The following LRFN2 variants were observed in gnomAD, a reference collection of about 807,000 sequenced individuals.
LRFN2 encodes the protein leucine-rich repeat and fibronectin type-III domain-containing protein 2.
Under a neutral mutation model 37.3 loss-of-function variants are expected in LRFN2, and 18 were observed. The observed-to-expected ratio is 0.48, with a 90% CI of 0.33 to 0.72. The LOEUF (loss-of-function observed/expected upper bound fraction) is 0.72, where lower values mean the gene tolerates loss of function less well. Ranked by LOEUF, LRFN2 falls within the 30% of genes least tolerant of loss-of-function variation. The pLI is 0.02. For missense variants in LRFN2, 1,006 were observed against 1,060.7 expected (o/e 0.95, Z 0.72); for synonymous variants, 556 against 466.6 (o/e 1.19, Z -2.47).
chr6:40,398,125 C>T (rs541428945), intron 2 of LRFN2, among the ~76,000 whole-genome samples: 1 of 151,920 alleles, frequency 6.6e-6, no homozygotes, highest in Non-Finnish European at 1.5e-5. Context: ...ACTGTTGACA[C>T]TTTGGCTGAC....
intron 1 of LRFN2, among the ~76,000 whole-genome samples, chr6:40,458,846 A>G (rs1764286832): frequency 6.6e-6 from 1 of 152,166 alleles, no homozygotes. Context: ...TTTGAACCAT[A>G]AGATAGAAGA....
chr6:40,484,244 G>T (rs367950252), intron 1 of LRFN2, among the ~76,000 whole-genome samples: 15 of 152,212 alleles, frequency 9.9e-5, no homozygotes, highest in Non-Finnish European at 2.1e-4. Flanking sequence ...ATGGAGTGTG[G>T]TGCCGATCCA....
chr6:40,392,009 C>A lies in LRFN2; in HGVS notation c.2304G>T (p.Glu768Asp). The change falls in exon 3 of 3, where the codon GAG (glutamate) becomes GAT (aspartate). Residue 768 changes from glutamate to aspartate, a missense_variant. Transcript: ENST00000338305. This position sits in a 1 kb window ranked among gnomAD's most constrained non-coding sequence, Gnocchi z 4.7. ...TCCCCCGGGCCCCCACCAGGTCACT[C>A]TCCTCAAAGGGCAAGAGCATGCCGT... ...SVNGMLLPFE[E>D]SDLVGARGTF... is the part of the protein sequence containing the mutation. 1 of 1,610,860 alleles carries A rather than the reference C, an allele frequency of 6.2e-7. No homozygotes were observed. Among genetic ancestry groups the A allele is most frequent in the Non-Finnish European group, 8.5e-7 (1 of 1,178,476 alleles).
chr6:40,537,254 C>T (rs939187466), intron 1 of LRFN2, among the ~76,000 whole-genome samples: 3 of 152,236 alleles, frequency 2.0e-5, no homozygotes, highest in African/African-American at 4.8e-5. Flanking sequence ...GGGGCAGGAA[C>T]CCCAATACTG....
At chr6:40,413,969 A>AT (rs1428233352) in intron 2 of LRFN2, among the ~76,000 whole-genome samples, 1 of 152,142 alleles carries the variant, frequency 6.6e-6, no homozygotes, top group East Asian at 1.9e-4. Context: ...GTTGAAGGAA[A>AT]TGGGCTCACT....
chr6:40,541,194 C>T (rs966924675), intron 1 of LRFN2, among the ~76,000 whole-genome samples: 13 of 152,158 alleles, frequency 8.5e-5, no homozygotes, highest in African/African-American at 2.2e-4. Flanking sequence ...AGTGAGTGGT[C>T]GCTTCCAGCT....
intron 1 of LRFN2, among the ~76,000 whole-genome samples, chr6:40,551,945 T>G (rs1263049220): frequency 6.6e-6 from 1 of 152,086 alleles, no homozygotes; most frequent in Non-Finnish European, 1.5e-5. Flanking sequence ...TTGAGGAAAC[T>G]GAAGCCCAAA....
intron 1 of LRFN2, among the ~76,000 whole-genome samples, chr6:40,579,613 AACACACAC>A (rs34819147): frequency 6.9e-6 from 1 of 144,970 alleles, no homozygotes; most frequent in Non-Finnish European, 1.5e-5. Context: ...AACACACACA[AACACACAC>A]ACACACACAC....
intron 1 of LRFN2, among the ~76,000 whole-genome samples, chr6:40,568,995 C>A (rs1279859450): frequency 6.6e-6 from 1 of 152,198 alleles, no homozygotes; most frequent in Admixed American, 6.5e-5. Context: ...CGGGAGCACC[C>A]ACTTACACTG....
chr6:40,514,489 A>G (rs979398006), intron 1 of LRFN2, among the ~76,000 whole-genome samples: 4 of 151,914 alleles, frequency 2.6e-5, no homozygotes, highest in East Asian at 1.9e-4. Flanking sequence ...TAATTTTTGT[A>G]TTTTTAGTAG....
chr6:40,536,250 A>G (rs1433743), intron 1 of LRFN2, among the ~76,000 whole-genome samples: 73,511 of 151,526 alleles, frequency 0.49, 18,821 homozygotes, highest in African/African-American at 0.66. Flanking sequence ...GTCTGAGGGG[A>G]GACACAGCCC....
At chr6:40,497,189 G>A (rs777573208) in intron 1 of LRFN2, among the ~76,000 whole-genome samples, 3 of 152,090 alleles carry the variant, frequency 2.0e-5, no homozygotes, top group Non-Finnish European at 2.9e-5. Context: ...CTGCTTCCAC[G>A]TTTGCCTCTG....
intron 1 of LRFN2, among the ~76,000 whole-genome samples, chr6:40,494,692 C>G (rs1765181634): frequency 6.6e-6 from 1 of 152,132 alleles, no homozygotes; most frequent in Non-Finnish European, 1.5e-5. Context: ...AGGCCACAAT[C>G]TAGACCTCAT....
intron 1 of LRFN2, among the ~76,000 whole-genome samples, chr6:40,510,657 G>A (rs1765681000): frequency 6.6e-6 from 1 of 152,242 alleles, no homozygotes; most frequent in African/African-American, 2.4e-5. Context: ...CCAGTGATAA[G>A]CTGACAGGTC....
intron 1 of LRFN2, among the ~76,000 whole-genome samples, chr6:40,458,250 C>T (rs1394624247): frequency 6.6e-6 from 1 of 152,124 alleles, no homozygotes; most frequent in South Asian, 2.1e-4. Context: ...GTAGTAAACA[C>T]GAATGTATAA....
At chr6:40,549,647 G>T (rs1166668104) in intron 1 of LRFN2, among the ~76,000 whole-genome samples, 3 of 152,160 alleles carry the variant, frequency 2.0e-5, no homozygotes, top group African/African-American at 7.2e-5. Flanking sequence ...TGATGCTATT[G>T]TATGTGAGCA....
intron 2 of LRFN2, among the ~76,000 whole-genome samples, chr6:40,425,720 C>T (rs927120424): frequency 6.6e-6 from 1 of 152,222 alleles, no homozygotes; most frequent in African/African-American, 2.4e-5. Context: ...CTGTCTGTCT[C>T]CAGTGTGTCA....
intron 1 of LRFN2, among the ~76,000 whole-genome samples, chr6:40,581,864 A>G (rs746444151): frequency 2.6e-5 from 4 of 152,202 alleles, no homozygotes; most frequent in Non-Finnish European, 5.9e-5. Context: ...AGAGAGAGTC[A>G]TGTAATATCA....
At chr6:40,459,064 C>T (rs922196943) in intron 1 of LRFN2, among the ~76,000 whole-genome samples, 4 of 152,146 alleles carry the variant, frequency 2.6e-5, no homozygotes, top group South Asian at 2.1e-4. Flanking sequence ...ACGTGGTTTC[C>T]AAGAACTCAT....
Sources: allele counts gnomAD v4.1 joint callset (sites outside exome capture counted in the v4.1 genomes callset), GRCh38; gene constraint gnomAD v4.1.1; non-coding constraint Gnocchi (gnomAD v3.1); transcripts MANE v1.5; gene names NCBI Gene and HGNC (gene_info 2026-07-23, HGNC 2026-07-21).